The following TRIB2 variants were observed in gnomAD, a reference collection of about 807,000 sequenced individuals.
TRIB2 encodes the protein tribbles pseudokinase 2, also known as tribbles homolog 2.
TRIB2 carries 2 observed loss-of-function variants against 26.8 expected under a neutral mutation model. That is an observed-to-expected ratio of 0.07 (90% CI 0.03 to 0.24). The LOEUF is 0.24. TRIB2 is among the 10% of genes least tolerant of loss of function. TRIB2 has a pLI of 1.00. For missense variants in TRIB2, 306 were observed against 449.0 expected, an observed-to-expected ratio of 0.68 and a Z score of 2.88; for synonymous variants, 189 against 187.3, an observed-to-expected ratio of 1.01 and a Z score of -0.08.
chr2:12,723,472 G>A lies in TRIB2; in HGVS notation c.483G>A (p.Ser161=), dbSNP rs191254247. The change falls in exon 2 of 3, where the codon TCG becomes TCA. Residue 161 remains serine, a synonymous_variant. Coordinates refer to ENST00000155926, the MANE Select transcript of TRIB2 (RefSeq NM_021643.4). ...CCAGACTGTTCTACCAGATTGCCTCGGCAGTGGCCCACTGCCATGACGGGG... is the reference window on the plus strand; with the variant it reads ...CCAGACTGTTCTACCAGATTGCCTCAGCAGTGGCCCACTGCCATGACGGGG... The part of the protein sequence containing the change: ...EAARLFYQIA[S]AVAHCHDGGL... 3.1e-5 allele frequency: 50 copies of A among 1,614,100 alleles called. No individual in the cohort carries two copies. The highest frequency in any genetic ancestry group is 5.0e-5 in the Admixed American group (3 of 60,008).
At position 12,717,103 on chromosome 2, in the gene TRIB2, T is replaced by C. The variant is rs1666607713; in HGVS notation, c.-1205T>C. 3.1e-6 allele frequency: 1 copy of C among 320,406 alleles called. No individual in the cohort carries two copies. Among genetic ancestry groups the C allele is most frequent in the East Asian group, 4.9e-5 (1 of 20,510 alleles). The allele number at this position is 320,406 out of a possible 1,614,324, so 19.8% of individuals were successfully genotyped here. A position where few individuals can be genotyped will look rare whatever the true frequency, so the allele number is the denominator to read the frequency against. ...CACCGTCGGCCGTCCCCTTTAATTT[T>C]TAAATACACGGTCCCCTCTTTTCTC... On this transcript the variant is annotated 5_prime_UTR_variant, in exon 1 of 3. Coordinates refer to ENST00000155926, the MANE Select transcript of TRIB2 (RefSeq NM_021643.4). This position sits in a 1 kb window ranked among gnomAD's most constrained non-coding sequence, Gnocchi z 4.8.
Position 12,718,373 on chromosome 2 carries a change from G to A in TRIB2, c.66G>A (p.Gln22=). 6.2e-7 allele frequency: 1 copy of A among 1,614,216 alleles called. No homozygotes were observed. The highest frequency in any genetic ancestry group is 8.5e-7 in the Non-Finnish European group (1 of 1,180,042). The change falls in exon 1 of 3, where the codon CAG becomes CAA. Residue 22 remains glutamine (Q), a synonymous_variant. Coordinates refer to ENST00000155926, the MANE Select transcript of TRIB2 (RefSeq NM_021643.4). The surrounding 1 kb of genome is among the most constrained non-coding windows in gnomAD (Gnocchi z 4.0). ...ATGGGAGATCGCGGAACAAAACCCA[G>A]GATTTCGAAGAGTTGTCGTCTATAA... ...ARYGRSRNKT[Q]DFEELSSIRS...
At chr2:12,719,819 C>A (rs1661155251) in intron 1 of TRIB2, among the ~76,000 whole-genome samples, 1 of 152,114 alleles carries the variant, frequency 6.6e-6, no homozygotes, top group Admixed American at 6.5e-5. Context: ...AAATCGGAGA[C>A]TCTTTAAATG....
intron 1 of TRIB2, among the ~76,000 whole-genome samples, chr2:12,720,913 T>G (rs1424457288): frequency 6.6e-6 from 1 of 152,236 alleles, no homozygotes; most frequent in Non-Finnish European, 1.5e-5. Context: ...AATTACTATC[T>G]TGGCAGAATG....
At chr2:12,737,142 C>A (rs1340832039) in intron 2 of TRIB2, among the ~76,000 whole-genome samples, 2 of 152,194 alleles carry the variant, frequency 1.3e-5, no homozygotes, top group Non-Finnish European at 2.9e-5. Flanking sequence ...TAGGCCTCCA[C>A]CTGGATGAGC....
At chr2:12,726,486 T>C (rs1661343049) in intron 2 of TRIB2, among the ~76,000 whole-genome samples, 1 of 152,218 alleles carries the variant, frequency 6.6e-6, no homozygotes, top group Non-Finnish European at 1.5e-5. Context: ...CCTCATTGGC[T>C]CCATGCTTGC....
Position 12,740,304 on chromosome 2 carries a change from A to C in TRIB2, c.564-22A>C. The C allele has an allele frequency of 6.2e-7, 1 of 1,607,952 alleles. No homozygotes were observed. Among genetic ancestry groups the C allele is most frequent in the Non-Finnish European group, 8.5e-7 (1 of 1,175,680 alleles). ...TGTCTCTGAGCACCCTCAGGAGCTT[A>C]TGTTTTCCTCCTTTCTTGCAGGACT... is the stretch of plus-strand genomic sequence containing the variant. On this transcript the variant is annotated intron_variant, in intron 2 of 2. Transcript: ENST00000155926. This position sits in a 1 kb window ranked among gnomAD's most constrained non-coding sequence, Gnocchi z 5.8.
chr2:12,723,938 C>T (rs2103251057), intron 2 of TRIB2, among the ~76,000 whole-genome samples: 1 of 152,324 alleles, frequency 6.6e-6, no homozygotes, highest in African/African-American at 2.4e-5. Flanking sequence ...TTCATTCATC[C>T]ATGCACTCAT....
At chr2:12,728,020 T>C (rs1661371400) in intron 2 of TRIB2, among the ~76,000 whole-genome samples, 1 of 152,200 alleles carries the variant, frequency 6.6e-6, no homozygotes, top group South Asian at 2.1e-4. Context: ...TCCATTTTAA[T>C]TCATGGGAAG....
rs992432309 is a variant in TRIB2 at position 12,742,682 on chromosome 2, A to C, written c.*1888A>C. 1.6e-5 allele frequency: 2 copies of C among 126,666 alleles called. No homozygotes were observed. Among genetic ancestry groups the C allele is most frequent in the African/African-American group, 5.2e-5 (2 of 38,230 alleles). 7.8% of individuals were successfully genotyped at this position (126,666 alleles called of 1,614,324 possible). A position where few individuals can be genotyped will look rare whatever the true frequency, so the allele number is the denominator to read the frequency against. ...GGTGCTTTGTCCTGTATTTGGTTTA[A>C]TGTTTTTGTCCTAATCTCTTCAATC... On this transcript the variant is annotated 3_prime_UTR_variant, in exon 3 of 3. Coordinates refer to ENST00000155926, the MANE Select transcript of TRIB2 (RefSeq NM_021643.4).
At position 12,732,846 on chromosome 2, in the gene TRIB2, T is replaced by C. The variant is rs772392520; in HGVS notation, c.564-7480T>C. Among the ~76,000 whole-genome samples, 9 of 152,222 alleles carry C rather than the reference T, an allele frequency of 5.9e-5. No individual in the cohort carries two copies. The highest frequency in any genetic ancestry group is 2.1e-4 in the South Asian group (1 of 4,836). ...GTAACAGTCAGGGCAAGGTCAGATC[T>C]GGCAGCAGCTGACCTTTTCACTTGA... On this transcript the variant is annotated intron_variant, in intron 2 of 2. Transcript: ENST00000155926. This position sits in a 1 kb window ranked among gnomAD's most constrained non-coding sequence, Gnocchi z 4.2.
chr2:12,723,701 C>G, intron 2 of TRIB2, 149 bp downstream of exon 2: 1 of 945,372 alleles, frequency 1.1e-6, no homozygotes, highest in Non-Finnish European at 1.5e-6. Context: ...GTGAATATTG[C>G]AATTTTCAAG....
Position 12,723,528 on chromosome 2 carries a change from A to G in TRIB2, c.539A>G (p.Lys180Arg). The G allele has an allele frequency of 8.7e-6, 14 of 1,614,056 alleles. No homozygotes were observed. Among genetic ancestry groups the G allele is most frequent in the Non-Finnish European group, 1.2e-5 (14 of 1,179,974 alleles). ...GLVLRDLKLR[K>R]FIFKDEERTR... ...GTGCTGCGGGACCTCAAGCTGCGGA[A>G]ATTCATCTTTAAGGACGAAGAGAGG... The change falls in exon 2 of 3, where the codon AAA becomes AGA. Residue 180 changes from lysine to arginine, a missense_variant. This residue lies in a region of TRIB2 where 118 missense variants were observed against 188.8 expected (regional missense o/e 0.63). Transcript: ENST00000155926.
At chr2:12,729,167 G>A (rs1242104551) in intron 2 of TRIB2, among the ~76,000 whole-genome samples, 1 of 152,148 alleles carries the variant, frequency 6.6e-6, no homozygotes, top group Non-Finnish European at 1.5e-5. Context: ...GTGGATCAGT[G>A]ATCTCTCTCC....
intron 1 of TRIB2, among the ~76,000 whole-genome samples, chr2:12,719,430 C>T (rs1040362006): frequency 6.6e-6 from 1 of 151,988 alleles, no homozygotes; most frequent in Non-Finnish European, 1.5e-5. Flanking sequence ...GTCTGTGTAT[C>T]TTTGTGTGCA....
intron 2 of TRIB2, among the ~76,000 whole-genome samples, chr2:12,738,426 T>C (rs1025450661): frequency 1.3e-5 from 2 of 152,162 alleles, no homozygotes; most frequent in African/African-American, 2.4e-5. Flanking sequence ...AAATACGTGA[T>C]GTGAGTGAGA....
intron 2 of TRIB2, among the ~76,000 whole-genome samples, chr2:12,726,585 G>C (rs1661344837): frequency 6.6e-6 from 1 of 152,214 alleles, no homozygotes; most frequent in Non-Finnish European, 1.5e-5. Flanking sequence ...AAAGTGTAAG[G>C]AAGCAATGGG....
intron 2 of TRIB2, among the ~76,000 whole-genome samples, chr2:12,728,708 G>A (rs989519693): frequency 2.0e-5 from 3 of 152,140 alleles, no homozygotes; most frequent in Non-Finnish European, 4.4e-5. Context: ...TGGAAGCTGC[G>A]ACTGTTTGCA....
chr2:12,725,713 A>C (rs1365152268), intron 2 of TRIB2, among the ~76,000 whole-genome samples: 1 of 152,224 alleles, frequency 6.6e-6, no homozygotes, highest in Non-Finnish European at 1.5e-5. Context: ...GTGAAACCGA[A>C]ACAATTGCCT....
Sources: allele counts gnomAD v4.1 joint callset (sites outside exome capture counted in the v4.1 genomes callset), GRCh38; gene constraint gnomAD v4.1.1; regional missense constraint gnomAD v4.1.1; non-coding constraint Gnocchi (gnomAD v3.1); transcripts MANE v1.5; gene names NCBI Gene and HGNC (gene_info 2026-07-23, HGNC 2026-07-21).